DLG2: variants seen among roughly 807,000 people sequenced by gnomAD.
The protein encoded by DLG2 is disks large homolog 2.
In DLG2, 45 loss-of-function variants were observed where a neutral mutation model predicts 132.5. The observed-to-expected ratio is 0.34, with a 90% confidence interval of 0.27 to 0.44. The LOEUF is 0.44. Among genes scored for constraint, DLG2 ranks in the 20% least tolerant of loss-of-function variants. DLG2 has a pLI of 1.00. For missense variants in DLG2, 1,045 were observed against 1,196.9 expected (o/e 0.87, Z 1.87); for synonymous variants, 424 against 419.6 (o/e 1.01, Z -0.13).
chr11:85,214,058 G>T (rs965295196), intron 4 of DLG2, among the ~76,000 whole-genome samples: 1 of 152,082 alleles, frequency 6.6e-6, no homozygotes, highest in Non-Finnish European at 1.5e-5. Context: ...GTTAGTTCCA[G>T]GGCTCCGCTA....
intron 19 of DLG2, among the ~76,000 whole-genome samples, chr11:83,544,490 T>G (rs1486411329): frequency 2.0e-5 from 3 of 152,110 alleles, no homozygotes; most frequent in African/African-American, 7.2e-5. Context: ...TGGGGCCCAC[T>G]GACTAACTCC....
At chr11:84,065,969 A>G (rs572882368) in intron 10 of DLG2, among the ~76,000 whole-genome samples, 1 of 152,330 alleles carries the variant, frequency 6.6e-6, no homozygotes, top group East Asian at 1.9e-4. Context: ...ACAGGAACAG[A>G]AAACCAAATA....
chr11:83,869,505 T>C (rs1210462482), intron 16 of DLG2, among the ~76,000 whole-genome samples: 1 of 152,174 alleles, frequency 6.6e-6, no homozygotes, highest in Non-Finnish European at 1.5e-5. Context: ...AGGGTGTCTT[T>C]TGTGCCAAAC....
intron 7 of DLG2, among the ~76,000 whole-genome samples, chr11:84,502,536 C>A (rs919885807): frequency 2.0e-5 from 3 of 150,810 alleles, no homozygotes; most frequent in Non-Finnish European, 4.4e-5. Flanking sequence ...GCTGGGACTA[C>A]AGGGTCCCGC....
intron 15 of DLG2, among the ~76,000 whole-genome samples, chr11:83,879,286 T>C (rs2154072428): frequency 6.6e-6 from 1 of 152,358 alleles, no homozygotes; most frequent in South Asian, 2.1e-4. Context: ...AAGTTTTTTG[T>C]GTACTTTATT....
chr11:84,220,755 C>T lies in DLG2; in HGVS notation c.573+30483G>A, dbSNP rs374772770. On this transcript the variant is annotated intron_variant, in intron 8 of 27. Coordinates refer to ENST00000376104, the MANE Select transcript of DLG2 (RefSeq NM_001142699.3). ...ATTTATAAGAGCTTAAAAAGTGTCA[C>T]GTGCTTTTTTTTTCTTTTTCTTTTC... 5.4e-5 allele frequency among the ~76,000 whole-genome samples: 8 copies of T among 148,482 alleles called. No homozygotes were observed. The South Asian group carries it at 8.6e-4, about 16-fold the overall frequency.
At chr11:84,443,665 T>A (rs969784575) in intron 7 of DLG2, among the ~76,000 whole-genome samples, 2 of 152,208 alleles carry the variant, frequency 1.3e-5, no homozygotes, top group African/African-American at 4.8e-5. Context: ...AGACTTAAGA[T>A]GTTTTCATAC....
intron 4 of DLG2, among the ~76,000 whole-genome samples, chr11:85,240,815 C>T (rs2075840828): frequency 6.6e-6 from 1 of 151,786 alleles, no homozygotes. Context: ...ATTACGATGT[C>T]TTAATTACTA....
chr11:85,188,660 G>T (rs2080305328), intron 4 of DLG2, among the ~76,000 whole-genome samples: 1 of 152,062 alleles, frequency 6.6e-6, no homozygotes, highest in South Asian at 2.1e-4. Flanking sequence ...CAATAAAAAT[G>T]AAGCAATTGT....
chr11:84,220,711 A>T (rs1396555643), intron 8 of DLG2, among the ~76,000 whole-genome samples: 7 of 152,024 alleles, frequency 4.6e-5, no homozygotes, highest in African/African-American at 1.4e-4. Flanking sequence ...AAGAATACCA[A>T]CCATTTATAT....
intron 3 of DLG2, among the ~76,000 whole-genome samples, chr11:85,522,366 C>T (rs537727998): frequency 6.6e-6 from 1 of 152,284 alleles, no homozygotes; most frequent in South Asian, 2.1e-4. Flanking sequence ...AAGTCTGCTG[C>T]CAGGGTGGGG....
intron 4 of DLG2, among the ~76,000 whole-genome samples, chr11:85,252,220 T>A (rs2076430245): frequency 6.6e-6 from 1 of 152,080 alleles, no homozygotes; most frequent in Non-Finnish European, 1.5e-5. Context: ...GATATCAGAG[T>A]AGGGACCACT....
intron 7 of DLG2, among the ~76,000 whole-genome samples, chr11:84,256,699 G>C (rs905380305): frequency 1.3e-5 from 2 of 152,116 alleles, no homozygotes; most frequent in Non-Finnish European, 1.5e-5. Flanking sequence ...AAGATTTCTT[G>C]TCTATTTAGA....
intron 3 of DLG2, among the ~76,000 whole-genome samples, chr11:85,538,315 G>A (rs996168119): frequency 8.6e-5 from 13 of 151,720 alleles, no homozygotes; most frequent in African/African-American, 3.2e-4. Context: ...CTCTGATCTG[G>A]CAATTATTAA....
At chr11:85,111,049 G>A (rs1456383006) in intron 6 of DLG2, among the ~76,000 whole-genome samples, 4 of 152,102 alleles carry the variant, frequency 2.6e-5, no homozygotes. Context: ...AGTAGCATGA[G>A]TACATGAAAG....
At chr11:83,469,704 A>G (rs1360820064) in intron 24 of DLG2, among the ~76,000 whole-genome samples, 1 of 152,188 alleles carries the variant, frequency 6.6e-6, no homozygotes. Flanking sequence ...ACATGGTGCT[A>G]GAAGACACGG....
chr11:83,681,993 T>C (rs764622458), intron 18 of DLG2: 1 of 280,276 alleles, frequency 3.6e-6, no homozygotes, highest in African/African-American at 2.3e-5. Context: ...CATCGGCTTT[T>C]CTTTCATCTT....
chr11:83,486,193 C>T, intron 21 of DLG2: 1 of 682,262 alleles, frequency 1.5e-6, no homozygotes, highest in Admixed American at 2.2e-5. Context: ...ACTAAATATT[C>T]TTGCATCACT....
intron 3 of DLG2, among the ~76,000 whole-genome samples, chr11:85,438,847 C>T (rs906163337): frequency 1.2e-4 from 19 of 152,280 alleles, no homozygotes; most frequent in Admixed American, 3.3e-4. Context: ...CTCATCCCCA[C>T]CTCTATCTCT....
Sources: allele counts gnomAD v4.1 joint callset (sites outside exome capture counted in the v4.1 genomes callset), GRCh38; gene constraint gnomAD v4.1.1; transcripts MANE v1.5; gene names NCBI Gene and HGNC (gene_info 2026-07-23, HGNC 2026-07-21).